The following SLC1A6 variants were observed in gnomAD, a reference collection of about 807,000 sequenced individuals.
SLC1A6 encodes the protein excitatory amino acid transporter 4.
Under a neutral mutation model 42.1 loss-of-function variants are expected in SLC1A6, and 15 were observed. The observed-to-expected ratio is 0.36, with a 90% CI of 0.24 to 0.55. SLC1A6 has a LOEUF of 0.55. Ranked by LOEUF, SLC1A6 falls within the 20% of genes least tolerant of loss-of-function variation. SLC1A6 has a pLI of 0.88. For missense variants in SLC1A6, 542 were observed against 772.5 expected, an observed-to-expected ratio of 0.70 and a Z score of 3.54; for synonymous variants, 317 against 319.7, an observed-to-expected ratio of 0.99 and a Z score of 0.09.
At position 14,964,376 on chromosome 19, in the gene SLC1A6, GAGA is replaced by G. The variant is rs1208657676; in HGVS notation, c.549-18_549-16del. ...GAAACATATTTCTGCAGAAAAACAT[GAGA>G]AGAAGGAAAGTGGTTAGACCATGGA... is the stretch of plus-strand genomic sequence containing the variant. On this transcript the variant is annotated splice_polypyrimidine_tract_variant and intron_variant, in intron 4 of 9. Transcript: ENST00000594383. 2 of 1,612,646 alleles carry G rather than the reference GAGA, an allele frequency of 1.2e-6. No individual in the cohort carries two copies. Among genetic ancestry groups the G allele is most frequent in the African/African-American group, 1.3e-5 (1 of 74,856 alleles).
At chr19:14,958,745 C>T (rs1325043637) in intron 6 of SLC1A6, among the ~76,000 whole-genome samples, 5 of 152,218 alleles carry the variant, frequency 3.3e-5, no homozygotes, top group African/African-American at 1.2e-4. Context: ...ACCCCCTACA[C>T]TCAGCCACCT....
At chr19:14,955,263 C>T (rs2045451279) in intron 7 of SLC1A6, among the ~76,000 whole-genome samples, 1 of 152,064 alleles carries the variant, frequency 6.6e-6, no homozygotes, top group Admixed American at 6.6e-5. Context: ...CATTCCCTGA[C>T]CAGCGTTATG....
In SLC1A6 at chr19:14,950,332, C is replaced by T; in HGVS notation, c.1558G>A (p.Glu520Lys). 1.2e-6 allele frequency: 2 copies of T among 1,611,040 alleles called. No individual in the cohort carries two copies. The highest frequency in any genetic ancestry group is 1.3e-5 in the African/African-American group (1 of 75,014). The change falls in exon 10 of 10, where the codon GAG becomes AAG. Residue 520 changes from glutamate to lysine, a missense_variant. Glu to Lys is a moderately conservative substitution (Grantham distance 56). Coordinates refer to ENST00000594383, the MANE Select transcript of SLC1A6 (RefSeq NM_005071.3). Reference protein sequence around the residue: ...LGDSIGAAVIEHLSQRELELQ... With the variant: ...LGDSIGAAVIKHLSQRELELQ... Reference sequence around the variant, plus strand: ...TCCAGCTCCCGCTGAGACAAGTGCTCGATGACGGCCGCTCCAATTGAGTCC... The same window carrying T: ...TCCAGCTCCCGCTGAGACAAGTGCTTGATGACGGCCGCTCCAATTGAGTCC...
At chr19:14,966,974 C>T (rs775056912) in intron 4 of SLC1A6, among the ~76,000 whole-genome samples, 3 of 152,078 alleles carry the variant, frequency 2.0e-5, no homozygotes, top group Non-Finnish European at 2.9e-5. Context: ...CTGCAAACCA[C>T]CATGGCGCAT....
Position 14,979,640 on chromosome 19 carries a change from C to T in SLC1A6, c.-339G>A, listed in dbSNP as rs969683781. 1 of 151,260 alleles carries T rather than the reference C, an allele frequency of 6.6e-6. No homozygotes were observed. Among genetic ancestry groups the T allele is most frequent in the African/African-American group, 2.4e-5 (1 of 41,268 alleles). The allele number at this position is 151,260 out of a possible 1,614,324, so 9.4% of individuals were successfully genotyped here. On this transcript the variant is annotated 5_prime_UTR_variant, in exon 1 of 10. Coordinates refer to ENST00000594383, the MANE Select transcript of SLC1A6 (RefSeq NM_005071.3). The surrounding 1 kb of genome is among the most constrained non-coding windows in gnomAD (Gnocchi z 4.2). ...GGACCCGCCAGGGACTGTGCAGCAC[C>T]GGCGCGGGGACCGGACCGTGGAGGC...
intron 1 of SLC1A6, among the ~76,000 whole-genome samples, chr19:15,006,491 C>T (rs1160799185): frequency 6.6e-6 from 1 of 152,116 alleles, no homozygotes; most frequent in Non-Finnish European, 1.5e-5. Context: ...AACATAACGG[C>T]GGGTCTCCAG....
chr19:14,971,412 G>T (rs12463072), intron 3 of SLC1A6, among the ~76,000 whole-genome samples: 58,009 of 151,828 alleles, frequency 0.38, 11,468 homozygotes, highest in East Asian at 0.58. Context: ...CCATACCATA[G>T]CCCAGCCACC....
chr19:15,010,054 T>C (rs2045917557), intron 1 of SLC1A6, among the ~76,000 whole-genome samples: 1 of 149,528 alleles, frequency 6.7e-6, no homozygotes, highest in African/African-American at 2.5e-5. Flanking sequence ...GGCATGGTGG[T>C]GGGCGCCTGT....
At chr19:14,959,168 G>A (rs1460722901) in intron 6 of SLC1A6, among the ~76,000 whole-genome samples, 1 of 152,192 alleles carries the variant, frequency 6.6e-6, no homozygotes, top group East Asian at 1.9e-4. Context: ...TCACAGGCAT[G>A]TCCCAGCTTG....
At chr19:15,004,479 A>G (rs2045886779) in intron 1 of SLC1A6, among the ~76,000 whole-genome samples, 1 of 143,602 alleles carries the variant, frequency 7.0e-6, no homozygotes, top group African/African-American at 2.6e-5. Flanking sequence ...AGGCAGGAGG[A>G]TGGCTTGAAG....
At chr19:14,961,253 C>T (rs1338840160) in intron 6 of SLC1A6, 4 of 152,120 alleles carry the variant, frequency 2.6e-5, no homozygotes, top group African/African-American at 7.2e-5. Flanking sequence ...TGTGAGGTAA[C>T]GTCTATGTTA....
chr19:14,983,392 T>C (rs111357163), upstream of SLC1A6, among the ~76,000 whole-genome samples: 1,192 of 152,124 alleles, frequency 7.8e-3, 23 homozygotes, highest in African/African-American at 0.026. Flanking sequence ...CTCTAGAAGG[T>C]TGTGGGGTAG....
At chr19:14,960,648 T>C (rs548385518) in intron 6 of SLC1A6, among the ~76,000 whole-genome samples, 84 of 152,294 alleles carry the variant, frequency 5.5e-4, no homozygotes, top group African/African-American at 1.9e-3. Context: ...GAGGACATTA[T>C]GCTAATTGAA....
At chr19:15,001,977 T>C (rs747359303) in intron 1 of SLC1A6, among the ~76,000 whole-genome samples, 29 of 152,028 alleles carry the variant, frequency 1.9e-4, no homozygotes, top group Non-Finnish European at 3.2e-4. Flanking sequence ...TAACTATTAA[T>C]ACCCAAATTC....
At chr19:14,986,399 G>T (rs2045792813) in intron 1 of SLC1A6, among the ~76,000 whole-genome samples, 1 of 151,612 alleles carries the variant, frequency 6.6e-6, no homozygotes, top group Non-Finnish European at 1.5e-5. Context: ...GGGGGTGCCT[G>T]TAATCTCAGC....
intron 2 of SLC1A6, among the ~76,000 whole-genome samples, 198 bp downstream of exon 2, chr19:14,972,508 A>G (rs2045653021): frequency 6.6e-6 from 1 of 152,260 alleles, no homozygotes; most frequent in Non-Finnish European, 1.5e-5. Flanking sequence ...TTGTGTGCAC[A>G]CACAGTTGTG....
chr19:14,993,230 C>T (rs1048703451), intron 1 of SLC1A6, among the ~76,000 whole-genome samples: 1 of 152,108 alleles, frequency 6.6e-6, no homozygotes, highest in Non-Finnish European at 1.5e-5. Flanking sequence ...ATACCCAGCA[C>T]AGGTAAATCC....
Position 14,964,308 on chromosome 19 carries a change from T to C in SLC1A6, c.591+11A>G, listed in dbSNP as rs2045549529. ...GAATCTCCTTGATCAAACTGTGTAC[T>C]TCCCCCTGACCTGTTTGAAGCAGGC... On this transcript the variant is annotated intron_variant, in intron 5 of 9. Transcript: ENST00000594383. 6.2e-7 allele frequency: 1 copy of C among 1,612,210 alleles called. No homozygotes were observed. The highest frequency in any genetic ancestry group is 1.3e-5 in the African/African-American group (1 of 74,984).
intron 4 of SLC1A6, 83 bp downstream of exon 4, chr19:14,968,220 C>T: frequency 9.5e-6 from 11 of 1,155,570 alleles, no homozygotes; most frequent in Non-Finnish European, 1.4e-5. Flanking sequence ...TGTGGGATGA[C>T]CTCTTTGCAG....
Sources: gnomAD v4.1 joint callset for allele counts (sites outside exome capture counted in the v4.1 genomes callset) on GRCh38, gnomAD v4.1.1 for gene constraint, Gnocchi (gnomAD v3.1) non-coding constraint, MANE v1.5 for transcripts, NCBI Gene and HGNC (gene_info 2026-07-23, HGNC 2026-07-21) for gene names.